Variants in FGFR1 observed in about 807,000 individuals in gnomAD.
FGFR1 encodes FGFR1/PLAG1 fusion.
A neutral mutation model predicts 93.7 loss-of-function variants in FGFR1; 18 were observed. The ratio of observed to expected loss-of-function variants is 0.19; its 90% CI spans 0.13 to 0.28. FGFR1 has a LOEUF of 0.28. Ranked by LOEUF, FGFR1 falls within the 10% of genes least tolerant of loss-of-function variation. FGFR1 has a pLI of 1.00. For missense variants in FGFR1, 731 were observed against 1,080.4 expected (o/e 0.68, Z 4.53); for synonymous variants, 448 against 429.3 (o/e 1.04, Z -0.54).
rs1454219481 is a variant in FGFR1, at chr8:38,429,456, G to A, written c.358+226C>T. On this transcript the variant is annotated intron_variant, in intron 3 of 17. Transcript: ENST00000447712. This position sits in a 1 kb window ranked among gnomAD's most constrained non-coding sequence, Gnocchi z 4.4. ...GCCCTGGCAATCACCTCCGAGGTGTGTCCTGGAAGCCCCAGATCTCCGGCC... is the reference window on the plus strand; with the variant it reads ...GCCCTGGCAATCACCTCCGAGGTGTATCCTGGAAGCCCCAGATCTCCGGCC... 1.4e-5 allele frequency: 10 copies of A among 702,560 alleles called. No individual in the cohort carries two copies. Among genetic ancestry groups the A allele is most frequent in the Non-Finnish European group, 2.3e-5 (9 of 385,902 alleles). 43.5% of individuals were successfully genotyped at this position (702,560 alleles called of 1,614,324 possible). A position where few individuals can be genotyped will look rare whatever the true frequency, so the allele number is the denominator to read the frequency against.
At chr8:38,434,532 C>A in intron 2 of FGFR1, 2 of 324,318 alleles carry the variant, frequency 6.2e-6, no homozygotes, top group South Asian at 7.2e-5. Flanking sequence ...TGAACCTTCA[C>A]CACAAGGAGA....
chr8:38,422,419 T>TAAAA (rs1819170186), intron 7 of FGFR1: 1 of 355,128 alleles, frequency 2.8e-6, no homozygotes, highest in Non-Finnish European at 5.2e-6. Flanking sequence ...CTCTCTCTTT[T>TAAAA]TTAAGAGATG....
rs1202509428 is a variant in FGFR1 at position 38,411,664 on chromosome 8, G to A, written c.*1964C>T. ...AGCAAAATATAAGCTTTAATATAGCGACTGAGGAGTGGTAGTTTGAGCCAT... is the reference window on the plus strand; with the variant it reads ...AGCAAAATATAAGCTTTAATATAGCAACTGAGGAGTGGTAGTTTGAGCCAT... On this transcript the variant is annotated 3_prime_UTR_variant, in exon 18 of 18. Coordinates refer to ENST00000447712, the MANE Select transcript of FGFR1 (RefSeq NM_023110.3). The A allele has an allele frequency of 4.8e-5, 11 of 230,230 alleles. No individual in the cohort carries two copies. The highest frequency in any genetic ancestry group is 6.6e-5 in the African/African-American group (3 of 45,122). 14.3% of individuals were successfully genotyped at this position (230,230 alleles called of 1,614,324 possible).
chr8:38,419,508 G>A (rs780019845), intron 9 of FGFR1, 25 bp downstream of exon 9: 39 of 1,601,074 alleles, frequency 2.4e-5, no homozygotes, highest in East Asian at 4.5e-5. Flanking sequence ...GTGGTGCTGA[G>A]TGTGCAAATC....
Position 38,429,040 on chromosome 8 carries a change from C to A in FGFR1, c.359-605G>T. On this transcript the variant is annotated intron_variant, in intron 3 of 17. Coordinates refer to ENST00000447712, the MANE Select transcript of FGFR1 (RefSeq NM_023110.3). This position sits in a 1 kb window ranked among gnomAD's most constrained non-coding sequence, Gnocchi z 4.4. ...TGTGGTCACCCATCAGGGTTCATGC[C>A]AGATCTTTCTCCAGTCCTTCCTATC... The A allele has an allele frequency of 2.9e-6, 1 of 345,690 alleles. No homozygotes were observed. Among genetic ancestry groups the A allele is most frequent in the Non-Finnish European group, 5.7e-6 (1 of 175,038 alleles). The allele number at this position is 345,690 out of a possible 1,614,324, so 21.4% of individuals were successfully genotyped here. A position where few individuals can be genotyped will look rare whatever the true frequency, so the allele number is the denominator to read the frequency against.
intron 1 of FGFR1, among the ~76,000 whole-genome samples, chr8:38,467,176 C>G (rs540256768): frequency 6.6e-6 from 1 of 152,242 alleles, no homozygotes; most frequent in East Asian, 1.9e-4. Flanking sequence ...TCCTTCCGCC[C>G]CCATCCCACA....
chr8:38,462,497 C>T (rs756315999), intron 1 of FGFR1, among the ~76,000 whole-genome samples: 15 of 150,958 alleles, frequency 9.9e-5, no homozygotes, highest in Non-Finnish European at 1.9e-4. Flanking sequence ...AGTGAGACTC[C>T]GTCTCAAAAA....
In FGFR1 at chr8:38,419,882, T is replaced by A. The variant is rs1818100290; in HGVS notation, c.1082-147A>T. 4 of 669,952 alleles carry A rather than the reference T, an allele frequency of 6.0e-6. No homozygotes were observed. The South Asian group carries it at 7.5e-5, about 12-fold the overall frequency. The allele number at this position is 669,952 out of a possible 1,614,324, so 41.5% of individuals were successfully genotyped here. A position where few individuals can be genotyped will look rare whatever the true frequency, so the allele number is the denominator to read the frequency against. On this transcript the variant is annotated intron_variant, in intron 8 of 17. Coordinates refer to ENST00000447712, the MANE Select transcript of FGFR1 (RefSeq NM_023110.3). ...GGCAAGTTCTAGCTAGGACTGGGATTGTGGCACTAGGAGGATCAGGCAACC... is the reference window on the plus strand; with the variant it reads ...GGCAAGTTCTAGCTAGGACTGGGATAGTGGCACTAGGAGGATCAGGCAACC...
rs1325494028 is a variant in FGFR1 at position 38,413,114 on chromosome 8, T to C, written c.*514A>G. The C allele has an allele frequency of 4.2e-6, 1 of 239,688 alleles. No individual in the cohort carries two copies. The highest frequency in any genetic ancestry group is 6.0e-5 in the East Asian group (1 of 16,688). The allele number at this position is 239,688 out of a possible 1,614,324, so 14.8% of individuals were successfully genotyped here. Reference sequence around the variant, plus strand: ...GCATTTGGTCAGCAAAGCAAACTAGTATCGGAATTAATAAGCCACTGGCAC... The same window carrying C: ...GCATTTGGTCAGCAAAGCAAACTAGCATCGGAATTAATAAGCCACTGGCAC... On this transcript the variant is annotated 3_prime_UTR_variant, in exon 18 of 18. Coordinates refer to ENST00000447712, the MANE Select transcript of FGFR1 (RefSeq NM_023110.3). This position sits in a 1 kb window ranked among gnomAD's most constrained non-coding sequence, Gnocchi z 4.2.
At position 38,455,695 on chromosome 8, in the gene FGFR1, T is replaced by C. The variant is rs201888412; in HGVS notation, c.91+1661A>G. Among the ~76,000 whole-genome samples the C allele has an allele frequency of 5.3e-5, 8 of 152,160 alleles. No individual in the cohort carries two copies. The East Asian group carries it at 1.5e-3, about 29-fold the overall frequency. On this transcript the variant is annotated intron_variant, in intron 2 of 17. Transcript: ENST00000447712. Reference sequence around the variant, plus strand: ...AGCTACCTACTCACCAGGCAAACCGTTCTCCATAAACCATATACATGCTGT... The same window carrying C: ...AGCTACCTACTCACCAGGCAAACCGCTCTCCATAAACCATATACATGCTGT...
chr8:38,447,132 C>T (rs1563587163), intron 2 of FGFR1, among the ~76,000 whole-genome samples: 1 of 150,964 alleles, frequency 6.6e-6, no homozygotes, highest in Non-Finnish European at 1.5e-5. Context: ...CACACACACA[C>T]ACACACACAC....
chr8:38,424,164 G>T lies in FGFR1; in HGVS notation c.936+345C>A. 2.3e-6 allele frequency: 1 copy of T among 438,498 alleles called. No homozygotes were observed. The highest frequency in any genetic ancestry group is 4.9e-5 in the East Asian group (1 of 20,358). The allele number at this position is 438,498 out of a possible 1,614,324, so 27.2% of individuals were successfully genotyped here. On this transcript the variant is annotated intron_variant, in intron 7 of 17. Transcript: ENST00000447712. This position sits in a 1 kb window ranked among gnomAD's most constrained non-coding sequence, Gnocchi z 4.3. Reference sequence around the variant, plus strand: ...GGACACAGGGCTAAGACTGGGAAACGCTTGGTGGAAAGGCTCTGGTTTCGG... The same window carrying T: ...GGACACAGGGCTAAGACTGGGAAACTCTTGGTGGAAAGGCTCTGGTTTCGG...
intron 2 of FGFR1, among the ~76,000 whole-genome samples, chr8:38,431,339 C>T (rs563575984): frequency 1.3e-5 from 2 of 152,334 alleles, no homozygotes; most frequent in African/African-American, 2.4e-5. Context: ...ACCTGTCACA[C>T]TGAAGGGCAG....
At position 38,464,300 on chromosome 8, in the gene FGFR1, G is replaced by A. The variant is rs867123004; in HGVS notation, c.-89+3681C>T. On this transcript the variant is annotated intron_variant, in intron 1 of 17. Transcript: ENST00000447712. Reference sequence around the variant, plus strand: ...ACAGCACTCCAGCCTGGGCGACAGAGCGAGACTATCTCAAAAAAAAAAAAA... The same window carrying A: ...ACAGCACTCCAGCCTGGGCGACAGAACGAGACTATCTCAAAAAAAAAAAAA... Among the ~76,000 whole-genome samples the A allele has an allele frequency of 1.6e-3, 193 of 120,772 alleles. 1 individual carries two copies. Among genetic ancestry groups the A allele is most frequent in the African/African-American group, 5.6e-3 (173 of 30,980 alleles). 79.2% of individuals were successfully genotyped at this position (120,772 alleles called of 152,430 possible). A position where few individuals can be genotyped will look rare whatever the true frequency, so the allele number is the denominator to read the frequency against.
rs1822318253 is a variant in FGFR1 at position 38,429,892 on chromosome 8, G to C, written c.148C>G (p.Leu50Val). 2 of 1,613,926 alleles carry C rather than the reference G, an allele frequency of 1.2e-6. No individual in the cohort carries two copies. Among genetic ancestry groups the C allele is most frequent in the Non-Finnish European group, 8.5e-7 (1 of 1,179,990 alleles). Reference sequence around the variant, plus strand: ...CGCAGCCGACAGCGAAGCTGCAGCAGGTCACCGGGGTGGACCAGGAAGGAC... The same window carrying C: ...CGCAGCCGACAGCGAAGCTGCAGCACGTCACCGGGGTGGACCAGGAAGGAC... ...VESFLVHPGD[L>V]LQLRCRLRDD... The change falls in exon 3 of 18, where the codon CTG becomes GTG. Residue 50 changes from leucine (L) to valine (V), a missense_variant. Transcript: ENST00000447712. This position sits in a 1 kb window ranked among gnomAD's most constrained non-coding sequence, Gnocchi z 4.4.
At chr8:38,430,902 T>G (rs1177505895) in intron 2 of FGFR1, 1 of 152,308 alleles carries the variant, frequency 6.6e-6, no homozygotes, top group Non-Finnish European at 1.5e-5. Flanking sequence ...AGAAGGCCCG[T>G]GGCCCGGACA....
rs1048499488 is a variant in FGFR1 at position 38,468,003 on chromosome 8, C to T, written c.-111G>A. The T allele has an allele frequency of 1.8e-5, 4 of 220,110 alleles. No individual in the cohort carries two copies. Among genetic ancestry groups the T allele is most frequent in the Non-Finnish European group, 2.7e-5 (3 of 109,792 alleles). The allele number at this position is 220,110 out of a possible 1,614,324, so 13.6% of individuals were successfully genotyped here. On this transcript the variant is annotated 5_prime_UTR_variant, in exon 1 of 18. Transcript: ENST00000447712. ...TACCTCGCTCGGCGTGGAGGTTCCG[C>T]CTCGGGAGAGTCCGCCGTGGCTTGT...
Position 38,411,718 on chromosome 8 carries a change from G to A in FGFR1, c.*1910C>T, listed in dbSNP as rs1011200259. On this transcript the variant is annotated 3_prime_UTR_variant, in exon 18 of 18. Coordinates refer to ENST00000447712, the MANE Select transcript of FGFR1 (RefSeq NM_023110.3). ...GTACGGGGGAGCCAGAATCCACTTA[G>A]TGAGGACAGTGATGACCAGCAGGTG... The A allele has an allele frequency of 4.3e-6, 1 of 231,194 alleles. No homozygotes were observed. Among genetic ancestry groups the A allele is most frequent in the Non-Finnish European group, 8.6e-6 (1 of 116,624 alleles). The allele number at this position is 231,194 out of a possible 1,614,324, so 14.3% of individuals were successfully genotyped here.
intron 2 of FGFR1, among the ~76,000 whole-genome samples, chr8:38,444,528 A>G (rs1051922452): frequency 2.7e-5 from 4 of 148,124 alleles, no homozygotes; most frequent in Admixed American, 6.7e-5. Context: ...AGCTGGGAGT[A>G]TAGGCACTTG....
Sources: gnomAD v4.1 joint callset for allele counts (sites outside exome capture counted in the v4.1 genomes callset) on GRCh38, gnomAD v4.1.1 for gene constraint, Gnocchi (gnomAD v3.1) non-coding constraint, MANE v1.5 for transcripts, NCBI Gene and HGNC (gene_info 2026-07-23, HGNC 2026-07-21) for gene names.